The following MCPH1 variants were observed in gnomAD, a reference collection of about 807,000 sequenced individuals.
MCPH1 encodes the protein microcephalin.
MCPH1 carries 104 observed loss-of-function variants against 84.5 expected under a neutral mutation model. The observed-to-expected ratio is 1.23, with a 90% CI of 1.05 to 1.45. The LOEUF (loss-of-function observed/expected upper bound fraction) is 1.45, where lower values mean the gene tolerates loss of function less well. Ranked by LOEUF, MCPH1 falls within the 40% of genes most tolerant of loss-of-function variation. MCPH1 has a pLI of 0.00. For synonymous variants in MCPH1, 514 were observed against 366.8 expected, an observed-to-expected ratio of 1.40 and a Z score of -4.58; for missense variants, 1,498 against 1,005.7, an observed-to-expected ratio of 1.49 and a Z score of -6.62.
Position 6,431,585 on chromosome 8 carries a change from A to G in MCPH1, c.320A>G (p.Lys107Arg), listed in dbSNP as rs776711849. ...NEHLSSLIKK[K>R]RKCMQPKDFN... ...CACTTATCAAGCCTAATTAAAAAAA[A>G]AGTAAGTACATGATTTCAATGTAGA... The change falls in exon 4 of 14, where the codon AAA (lysine) becomes AGA (arginine). Residue 107 changes from lysine (K) to arginine (R), a missense_variant and splice_region_variant. Transcript: ENST00000344683. The G allele has an allele frequency of 5.0e-6, 8 of 1,593,770 alleles. No homozygotes were observed. In the Admixed American group the frequency reaches 8.4e-5, roughly 17 times the overall value.
At chr8:6,406,978 T>C (rs1465016233) in intron 1 of MCPH1, 14 of 393,830 alleles carry the variant, frequency 3.6e-5, no homozygotes, top group Non-Finnish European at 6.4e-5. Flanking sequence ...TCCTCCCCCG[T>C]ACTGCTTGTG....
In MCPH1 at chr8:6,569,400, C is replaced by G. The variant is rs531457716; in HGVS notation, c.2215-52054C>G. On this transcript the variant is annotated intron_variant, in intron 12 of 13. Coordinates refer to ENST00000344683, the MANE Select transcript of MCPH1 (RefSeq NM_024596.5). ...CCATTTTGCAAAAGTGTTGCTGCATCAACCATTTCCATTCCCCAGTGCTGC... is the reference window on the plus strand; with the variant it reads ...CCATTTTGCAAAAGTGTTGCTGCATGAACCATTTCCATTCCCCAGTGCTGC... 6.6e-5 allele frequency among the ~76,000 whole-genome samples: 10 copies of G among 152,278 alleles called. No homozygotes were observed. The South Asian group carries it at 2.1e-3, about 32-fold the overall frequency.
intron 3 of MCPH1, among the ~76,000 whole-genome samples, chr8:6,427,355 G>A (rs977725907): frequency 6.6e-6 from 1 of 152,016 alleles, no homozygotes; most frequent in Non-Finnish European, 1.5e-5. Context: ...ATTTTTTGGA[G>A]CAACTGTATT....
At chr8:6,631,225 A>T (rs1797135902) in intron 13 of MCPH1, among the ~76,000 whole-genome samples, 1 of 152,210 alleles carries the variant, frequency 6.6e-6, no homozygotes, top group African/African-American at 2.4e-5. Context: ...TGAAGGATTG[A>T]TCCTCATCTC....
chr8:6,503,281 A>G, intron 12 of MCPH1: 1 of 1,613,904 alleles, frequency 6.2e-7, no homozygotes, highest in Non-Finnish European at 8.5e-7. Context: ...TAAAACACAG[A>G]AGGAATTAGG....
rs989206807 is a variant in MCPH1 at position 6,621,259 on chromosome 8, C to A, written c.2215-195C>A. ...CTTGGAGTTTTACGCATGGCTACTT[C>A]AGAAAACGTCAGTTTTATGTCATTA... On this transcript the variant is annotated intron_variant, in intron 12 of 13. Transcript: ENST00000344683. The A allele has an allele frequency of 1.0e-5, 7 of 672,024 alleles. No homozygotes were observed. The Admixed American group carries it at 1.9e-4, about 19-fold the overall frequency. 41.6% of individuals were successfully genotyped at this position (672,024 alleles called of 1,614,324 possible).
At chr8:6,605,874 T>A (rs950239070) in intron 12 of MCPH1, among the ~76,000 whole-genome samples, 5 of 152,130 alleles carry the variant, frequency 3.3e-5, no homozygotes, top group Admixed American at 2.6e-4. Flanking sequence ...ATTTTTGTAT[T>A]TTTAGTAAAG....
intron 12 of MCPH1, among the ~76,000 whole-genome samples, chr8:6,529,438 A>T (rs2129571182): frequency 6.6e-6 from 1 of 150,508 alleles, no homozygotes; most frequent in East Asian, 1.9e-4. Context: ...GCCTTCCTTA[A>T]GCTCAGCCAT....
chr8:6,496,002 G>T (rs2916720), intron 11 of MCPH1, among the ~76,000 whole-genome samples: 3,401 of 152,260 alleles, frequency 0.022, 117 homozygotes, highest in African/African-American at 0.075. Flanking sequence ...GGACTTGGGG[G>T]TTGGGAGGGT....
chr8:6,503,833 G>A (rs1046751029), intron 12 of MCPH1, among the ~76,000 whole-genome samples: 2 of 152,222 alleles, frequency 1.3e-5, no homozygotes, highest in Non-Finnish European at 2.9e-5. Context: ...GAGGTGTCCA[G>A]CACAGGGGCT....
chr8:6,614,643 T>C (rs1246933836), intron 12 of MCPH1, among the ~76,000 whole-genome samples: 1 of 152,230 alleles, frequency 6.6e-6, no homozygotes, highest in Non-Finnish European at 1.5e-5. Context: ...CTTGTCTCTG[T>C]AGTTCAATGC....
chr8:6,624,280 G>C (rs962214065), intron 13 of MCPH1, among the ~76,000 whole-genome samples: 1 of 152,224 alleles, frequency 6.6e-6, no homozygotes, highest in African/African-American at 2.4e-5. Context: ...TCCTGTTTCT[G>C]ATTTCTCACC....
chr8:6,436,174 A>C lies in MCPH1; in HGVS notation c.436+12A>C, dbSNP rs1239634613. On this transcript the variant is annotated intron_variant, in intron 5 of 13. Coordinates refer to ENST00000344683, the MANE Select transcript of MCPH1 (RefSeq NM_024596.5). ...AAAAACAAATCTAGGTAAGCTAAGA[A>C]ATATAATACAGTTCTTTGCATTTGT... The C allele has an allele frequency of 6.2e-7, 1 of 1,611,610 alleles. No homozygotes were observed. Among genetic ancestry groups the C allele is most frequent in the Admixed American group, 1.7e-5 (1 of 59,952 alleles).
intron 12 of MCPH1, chr8:6,618,615 G>A (rs1185716807): frequency 6.6e-6 from 1 of 152,054 alleles, no homozygotes; most frequent in Non-Finnish European, 1.5e-5. Context: ...GTTAACTCTG[G>A]TAAATGGTGG....
chr8:6,406,702 C>G lies in MCPH1; in HGVS notation c.22+13C>G, dbSNP rs748935887. On this transcript the variant is annotated intron_variant, in intron 1 of 13. Transcript: ENST00000344683. ...CCCATCCTGAAAGGTGAGGTACTTC[C>G]TGCTGCCTGCTCCAGCAGCGGGAGT... 6.2e-7 allele frequency: 1 copy of G among 1,611,888 alleles called. No homozygotes were observed. The highest frequency in any genetic ancestry group is 8.5e-7 in the Non-Finnish European group (1 of 1,179,446).
intron 12 of MCPH1, chr8:6,502,125 C>T (rs1386867927): frequency 1.3e-5 from 2 of 151,904 alleles, no homozygotes; most frequent in East Asian, 3.9e-4. Flanking sequence ...GAAAACAGAC[C>T]TCTGTTTTAG....
intron 9 of MCPH1, among the ~76,000 whole-genome samples, chr8:6,462,242 T>C (rs2916741): frequency 0.25 from 38,172 of 152,150 alleles, 6,819 homozygotes; most frequent in African/African-American, 0.5. Flanking sequence ...GCAAAACAAA[T>C]AATAGCTTGC....
At chr8:6,620,761 G>A (rs1831328956) in intron 12 of MCPH1, among the ~76,000 whole-genome samples, 1 of 152,114 alleles carries the variant, frequency 6.6e-6, no homozygotes, top group African/African-American at 2.4e-5. Context: ...GGGCCTTCCC[G>A]CGGTCCTCTG....
intron 13 of MCPH1, among the ~76,000 whole-genome samples, chr8:6,638,600 T>A (rs1380746444): frequency 7.2e-5 from 11 of 152,212 alleles, no homozygotes; most frequent in African/African-American, 1.2e-4. Context: ...AAAAAATTTT[T>A]TTTTTAATTT....
Sources: gnomAD v4.1 joint callset for allele counts (sites outside exome capture counted in the v4.1 genomes callset) on GRCh38, gnomAD v4.1.1 for gene constraint, MANE v1.5 for transcripts, NCBI Gene and HGNC (gene_info 2026-07-23, HGNC 2026-07-21) for gene names.